Variants in TENM1 observed in about 807,000 individuals in gnomAD.
The protein encoded by TENM1 is teneurin-1.
TENM1 carries 35 observed loss-of-function variants against 174.8 expected under a neutral mutation model. That is an observed-to-expected ratio of 0.20 (90% CI 0.15 to 0.27). The LOEUF (loss-of-function observed/expected upper bound fraction) is 0.27. Among genes scored for constraint, TENM1 ranks in the 10% least tolerant of loss-of-function variants. The probability of loss-of-function intolerance (pLI) is 1.00; values close to 1 mark genes in which losing one functional copy is unlikely to be tolerated. For missense variants in TENM1, 1,633 were observed against 2,130.1 expected, an observed-to-expected ratio of 0.77 and a Z score of 4.59; for synonymous variants, 781 against 798.7, an observed-to-expected ratio of 0.98 and a Z score of 0.37.
chrX:124,933,498 T>C (rs759541956), intron 1 of TENM1, among the ~76,000 whole-genome samples: 1 of 112,287 alleles, frequency 8.9e-6, no homozygotes, highest in African/African-American at 3.2e-5. Context: ...AAAGTGCACT[T>C]TAAAAGGAGG....
intron 25 of TENM1, among the ~76,000 whole-genome samples, chrX:124,415,252 G>C (rs933668722): frequency 8.9e-6 from 1 of 112,338 alleles, no homozygotes; most frequent in Non-Finnish European, 1.9e-5. Flanking sequence ...GGCAAGAAGG[G>C]ACAGGAGCTG....
the TENM1 span, among the ~76,000 whole-genome samples, chrX:124,984,874 T>C: frequency 8.9e-6 from 1 of 112,194 alleles, no homozygotes; most frequent in Non-Finnish European, 1.9e-5. Flanking sequence ...GTTTCACTGA[T>C]ACAAAGCTAG....
At chrX:124,483,019 T>C (rs1245992993) in intron 21 of TENM1, among the ~76,000 whole-genome samples, 1 of 112,344 alleles carries the variant, frequency 8.9e-6, no homozygotes, top group Non-Finnish European at 1.9e-5. Context: ...TCAGTATCTC[T>C]GGCCTGGAAT....
the TENM1 span, among the ~76,000 whole-genome samples, chrX:125,082,199 C>A: frequency 9.0e-6 from 1 of 110,719 alleles, no homozygotes; most frequent in African/African-American, 3.3e-5. Context: ...AGTGAAAACT[C>A]ATTCTTTACC....
intron 3 of TENM1, among the ~76,000 whole-genome samples, chrX:124,764,420 A>G (rs747667398): frequency 1.8e-5 from 2 of 111,370 alleles, no homozygotes; most frequent in South Asian, 7.5e-4. Flanking sequence ...AGGGAGTGTG[A>G]AAGTACTTAG....
At chrX:124,813,626 T>C (rs1161800578) in intron 3 of TENM1, among the ~76,000 whole-genome samples, 1 of 111,589 alleles carries the variant, frequency 9.0e-6, no homozygotes, top group African/African-American at 3.3e-5. Context: ...AGTGACAAAA[T>C]GCAAGATGTT....
rs182692347 is a variant in TENM1 at position 124,382,850 on chromosome X, C to T, written c.7298-38G>A. ...ATATTAAAAAAAGAAAATGAAAAATCCCATACTTTATAAGCTTTGTTGAAA... is the reference window on the plus strand; with the variant it reads ...ATATTAAAAAAAGAAAATGAAAAATTCCATACTTTATAAGCTTTGTTGAAA... On this transcript the variant is annotated intron_variant, in intron 30 of 31. Coordinates refer to ENST00000422452, the Ensembl canonical transcript of TENM1. The T allele has an allele frequency of 1.9e-3, 2,113 of 1,124,377 alleles. 29 individuals are homozygous for T. In the African/African-American group the frequency reaches 0.034, roughly 18 times the overall value. The allele number at this position is 1,124,377 out of a possible 1,213,427, so 92.7% of individuals were successfully genotyped here.
At chrX:124,587,668 CA>C (rs1232707578) in intron 11 of TENM1, among the ~76,000 whole-genome samples, 2,806 of 111,120 alleles carry the variant, frequency 0.025, 39 homozygotes, top group Non-Finnish European at 0.03. Context: ...GCAATAGCAA[CA>C]AAAGCCAAAA....
chrX:124,748,665 C>T lies in TENM1; in HGVS notation c.536-11468G>A, dbSNP rs1470381130. Among the ~76,000 whole-genome samples, 6 of 111,855 alleles carry T rather than the reference C, an allele frequency of 5.4e-5. No homozygotes were observed. The East Asian group carries it at 1.7e-3, about 32-fold the overall frequency. On this transcript the variant is annotated intron_variant, in intron 3 of 31. Coordinates refer to ENST00000422452, the Ensembl canonical transcript of TENM1. ...TAATTTACTTACTTAGAGATATCATCTGTATATAACTTGTTTAAATTAGTA... is the reference window on the plus strand; with the variant it reads ...TAATTTACTTACTTAGAGATATCATTTGTATATAACTTGTTTAAATTAGTA...
At chrX:125,161,698 C>G in the TENM1 span, among the ~76,000 whole-genome samples, 1 of 112,034 alleles carries the variant, frequency 8.9e-6, no homozygotes, top group East Asian at 2.8e-4. Context: ...TAAAACTGTT[C>G]TAAATTTGAC....
chrX:125,039,234 A>G, the TENM1 span, among the ~76,000 whole-genome samples: 1 of 111,878 alleles, frequency 8.9e-6, no homozygotes, highest in Non-Finnish European at 1.9e-5. Flanking sequence ...GCACAAATCA[A>G]TATCAGATAA....
chrX:124,738,112 C>T (rs2053719276), intron 3 of TENM1, among the ~76,000 whole-genome samples: 1 of 112,083 alleles, frequency 8.9e-6, no homozygotes, highest in Non-Finnish European at 1.9e-5. Context: ...ACTATTGTAG[C>T]TGATAGCCAC....
At chrX:124,615,359 G>T (rs73634519) in intron 11 of TENM1, among the ~76,000 whole-genome samples, 4,782 of 111,570 alleles carry the variant, frequency 0.043, 242 homozygotes, top group African/African-American at 0.15. Context: ...ACCAATTCAA[G>T]AAACTTAGTA....
intron 22 of TENM1, among the ~76,000 whole-genome samples, chrX:124,475,312 T>C (rs976303579): frequency 2.7e-5 from 3 of 111,636 alleles, no homozygotes; most frequent in Non-Finnish European, 3.8e-5. Flanking sequence ...CCTCCATGCT[T>C]TGATTTATTC....
intron 22 of TENM1, among the ~76,000 whole-genome samples, chrX:124,470,540 T>TA (rs1212728729): frequency 9.0e-6 from 1 of 111,654 alleles, no homozygotes; most frequent in African/African-American, 3.3e-5. Flanking sequence ...TATCAAACCA[T>TA]AGACATTTTA....
At chrX:124,949,959 T>G (rs1470650915) in intron 1 of TENM1, among the ~76,000 whole-genome samples, 2 of 110,582 alleles carry the variant, frequency 1.8e-5, no homozygotes, top group Non-Finnish European at 3.8e-5. Flanking sequence ...AAGAATTTGG[T>G]TTGTAGAGCA....
chrX:124,524,838 G>A (rs1407002341), intron 16 of TENM1, among the ~76,000 whole-genome samples: 2 of 111,459 alleles, frequency 1.8e-5, no homozygotes, highest in African/African-American at 3.3e-5. Flanking sequence ...GTACTTGAGA[G>A]CATCTGAAAA....
At chrX:125,141,807 T>C in the TENM1 span, among the ~76,000 whole-genome samples, 1 of 111,487 alleles carries the variant, frequency 9.0e-6, no homozygotes, top group African/African-American at 3.3e-5. Context: ...GTTCATAATA[T>C]CCTTGCTTCC....
At chrX:124,448,130 G>T (rs765138870) in intron 23 of TENM1, among the ~76,000 whole-genome samples, 1 of 111,586 alleles carries the variant, frequency 9.0e-6, no homozygotes, top group East Asian at 2.8e-4. Context: ...CAAGTTATTT[G>T]ATATTGGCTC....
Sources: allele counts gnomAD v4.1 joint callset (sites outside exome capture counted in the v4.1 genomes callset), GRCh38; gene constraint gnomAD v4.1.1; transcripts MANE v1.5; gene names NCBI Gene and HGNC (gene_info 2026-07-23, HGNC 2026-07-21).